RGS7: variants seen among roughly 807,000 people sequenced by gnomAD.
The protein encoded by RGS7 is regulator of G protein signaling 7.
RGS7 carries 27 observed loss-of-function variants against 81.1 expected under a neutral mutation model. The ratio of observed to expected loss-of-function variants is 0.33; its 90% CI spans 0.25 to 0.46. The LOEUF (loss-of-function observed/expected upper bound fraction) is 0.46, where lower values mean the gene tolerates loss of function less well. Ranked by LOEUF, RGS7 falls within the 20% of genes least tolerant of loss-of-function variation. The pLI is 1.00. For synonymous variants in RGS7, 208 were observed against 207.7 expected (o/e 1.00, Z -0.01); for missense variants, 396 against 607.4 (o/e 0.65, Z 3.66).
chr1:241,108,759 A>G (rs1419051044), intron 2 of RGS7, among the ~76,000 whole-genome samples: 1 of 152,174 alleles, frequency 6.6e-6, no homozygotes, highest in East Asian at 1.9e-4. Context: ...GAGCACACGA[A>G]TACTTTAATC....
chr1:240,855,040 C>A (rs908976435), intron 9 of RGS7, among the ~76,000 whole-genome samples: 1 of 152,062 alleles, frequency 6.6e-6, no homozygotes, highest in African/African-American at 2.4e-5. Context: ...AATGTGACAT[C>A]TCTTTATAGA....
intron 2 of RGS7, among the ~76,000 whole-genome samples, chr1:241,231,156 C>A (rs2075641259): frequency 1.3e-5 from 2 of 152,074 alleles, no homozygotes; most frequent in Non-Finnish European, 1.5e-5. Context: ...TTTGTTCATA[C>A]AATATACTGT....
At chr1:241,215,768 C>G (rs1264543694) in intron 2 of RGS7, among the ~76,000 whole-genome samples, 1 of 152,214 alleles carries the variant, frequency 6.6e-6, no homozygotes, top group Non-Finnish European at 1.5e-5. Context: ...CTAATTCCAT[C>G]TGCATTTGGT....
chr1:241,271,884 CGTGTGTGTGTGT>C lies in RGS7; in HGVS notation c.78+83803_78+83814del, dbSNP rs373357799. 0.04 allele frequency among the ~76,000 whole-genome samples: 5,683 copies of C among 140,398 alleles called. 163 individuals are homozygous for C. The highest frequency in any genetic ancestry group is 0.11 in the East Asian group (525 of 4,766). The allele number at this position is 140,398 out of a possible 152,430, so 92.1% of individuals were successfully genotyped here. A position where few individuals can be genotyped will look rare whatever the true frequency, so the allele number is the denominator to read the frequency against. On this transcript the variant is annotated intron_variant, in intron 2 of 18. Coordinates refer to ENST00000440928, the MANE Select transcript of RGS7 (RefSeq NM_001364886.1). This position sits in a 1 kb window ranked among gnomAD's most constrained non-coding sequence, Gnocchi z 4.6. ...AATCACACAAGCCAAATCTTTATAA[CGTGTGTGTGTGT>C]GTGTGTGTGTGTGTGTGTGTGTGTG...
intron 2 of RGS7, among the ~76,000 whole-genome samples, chr1:241,242,051 A>G (rs2076284430): frequency 6.6e-6 from 1 of 151,678 alleles, no homozygotes; most frequent in Admixed American, 6.6e-5. Context: ...TGCACCCATC[A>G]CCCAAGCAGT....
chr1:240,849,731 G>A (rs188176260), intron 9 of RGS7, among the ~76,000 whole-genome samples: 23 of 152,154 alleles, frequency 1.5e-4, no homozygotes, highest in South Asian at 4.1e-4. Flanking sequence ...TCACCCCTTC[G>A]CCTTCCACTC....
intron 6 of RGS7, among the ~76,000 whole-genome samples, chr1:240,900,184 G>A (rs190030547): frequency 5.9e-5 from 9 of 152,232 alleles, no homozygotes; most frequent in South Asian, 4.1e-4. Flanking sequence ...TTAGCCATTC[G>A]TCTAATCTTT....
chr1:241,266,804 T>C (rs1164714244), intron 2 of RGS7, among the ~76,000 whole-genome samples: 2 of 149,134 alleles, frequency 1.3e-5, no homozygotes, highest in African/African-American at 5.0e-5. Flanking sequence ...AGTTTTATTT[T>C]ACAGAGTGTA....
At chr1:241,233,800 GTTT>G (rs148344377) in intron 2 of RGS7, among the ~76,000 whole-genome samples, 80,923 of 143,504 alleles carry the variant, frequency 0.56, 22,149 homozygotes, top group Middle Eastern at 0.6. Context: ...TTTTAGTTTA[GTTT>G]TTTTTTTTTT....
At chr1:241,305,961 G>A (rs1439446042) in intron 2 of RGS7, 1 of 158,502 alleles carries the variant, frequency 6.3e-6, no homozygotes, top group Admixed American at 6.5e-5. Flanking sequence ...GTGTAGAAAG[G>A]GGAAGTGACT....
chr1:240,869,166 C>A (rs1337251347), intron 7 of RGS7, among the ~76,000 whole-genome samples: 1 of 152,044 alleles, frequency 6.6e-6, no homozygotes, highest in South Asian at 2.1e-4. Context: ...TCAGATGAAC[C>A]CACTGGATTT....
At chr1:240,781,745 T>C (rs1572049199) in intron 18 of RGS7, among the ~76,000 whole-genome samples, 1 of 152,214 alleles carries the variant, frequency 6.6e-6, no homozygotes, top group Non-Finnish European at 1.5e-5. Context: ...CTGGGTGTGG[T>C]GGCCCACGCC....
chr1:240,791,863 T>C (rs540719271), intron 18 of RGS7, among the ~76,000 whole-genome samples: 1 of 152,320 alleles, frequency 6.6e-6, no homozygotes, highest in African/African-American at 2.4e-5. Flanking sequence ...TGTGCAAATA[T>C]TACCCTTTAG....
chr1:241,092,276 C>A (rs774367756), intron 3 of RGS7, among the ~76,000 whole-genome samples: 5 of 152,160 alleles, frequency 3.3e-5, no homozygotes, highest in Non-Finnish European at 7.4e-5. Context: ...AACTATCTTA[C>A]AAATTTAAAA....
chr1:241,303,411 G>A (rs1455777098), intron 2 of RGS7, among the ~76,000 whole-genome samples: 6 of 152,172 alleles, frequency 3.9e-5, no homozygotes, highest in Non-Finnish European at 5.9e-5. Flanking sequence ...TGTATAGTCT[G>A]CAGAACTGTG....
intron 2 of RGS7, among the ~76,000 whole-genome samples, chr1:241,269,667 A>T (rs1203707481): frequency 6.6e-6 from 1 of 152,216 alleles, no homozygotes; most frequent in East Asian, 1.9e-4. Context: ...AAGAAATCGA[A>T]AAAGAAAGAA....
intron 4 of RGS7, among the ~76,000 whole-genome samples, chr1:240,964,003 C>A (rs1316555673): frequency 1.3e-5 from 2 of 152,014 alleles, no homozygotes; most frequent in African/African-American, 2.4e-5. Flanking sequence ...TAGAGTGAGA[C>A]CCTGTCTCAA....
chr1:241,295,407 C>T (rs893426401), intron 2 of RGS7, among the ~76,000 whole-genome samples: 9 of 151,576 alleles, frequency 5.9e-5, no homozygotes, highest in Non-Finnish European at 1.2e-4. Flanking sequence ...GAGCCGAGAT[C>T]GGGCCTCTGC....
chr1:240,922,582 AAAG>A (rs1474626997), intron 6 of RGS7, among the ~76,000 whole-genome samples: 1 of 152,152 alleles, frequency 6.6e-6, no homozygotes, highest in African/African-American at 2.4e-5. Context: ...AAAACTCAAC[AAAG>A]AAGACGAACA....
Sources: allele counts gnomAD v4.1 joint callset (sites outside exome capture counted in the v4.1 genomes callset), GRCh38; gene constraint gnomAD v4.1.1; non-coding constraint Gnocchi (gnomAD v3.1); transcripts MANE v1.5; gene names NCBI Gene and HGNC (gene_info 2026-07-23, HGNC 2026-07-21).